The following TTC28 variants were observed in gnomAD, a reference collection of about 807,000 sequenced individuals.
TTC28 encodes tetratricopeptide repeat domain 28.
Under a neutral mutation model 198.0 loss-of-function variants are expected in TTC28, and 61 were observed. That is an observed-to-expected ratio of 0.31 (90% CI 0.25 to 0.38). The LOEUF is 0.38. Ranked by LOEUF, TTC28 falls within the 10% of genes least tolerant of loss-of-function variation. The pLI, the probability that TTC28 is intolerant of heterozygous loss-of-function variation, is 1.00. For missense variants in TTC28, 2,678 were observed against 3,164.0 expected (o/e 0.85, Z 3.69); for synonymous variants, 1,171 against 1,297.8 (o/e 0.90, Z 2.10).
intron 5 of TTC28, among the ~76,000 whole-genome samples, chr22:28,254,605 G>A (rs922863990): frequency 6.6e-6 from 1 of 151,968 alleles, no homozygotes; most frequent in Non-Finnish European, 1.5e-5. Context: ...GGTAGGGGAA[G>A]AAATGATTCA....
chr22:28,611,214 A>C (rs1053520942), intron 2 of TTC28, among the ~76,000 whole-genome samples: 1 of 152,222 alleles, frequency 6.6e-6, no homozygotes, highest in East Asian at 1.9e-4. Flanking sequence ...AATACAGAGA[A>C]CACCACTAAG....
chr22:28,531,214 A>T (rs986559120), intron 2 of TTC28, among the ~76,000 whole-genome samples: 2 of 152,238 alleles, frequency 1.3e-5, no homozygotes, highest in African/African-American at 4.8e-5. Flanking sequence ...ATGGAGGAAG[A>T]TCTACCAAGC....
At chr22:28,022,070 CA>C (rs1938627800) in intron 13 of TTC28, among the ~76,000 whole-genome samples, 1 of 152,372 alleles carries the variant, frequency 6.6e-6, no homozygotes, top group African/African-American at 2.4e-5. Context: ...GCAGCAACAT[CA>C]GGGGCAAGGC....
At chr22:28,326,230 C>T (rs2045527886) in intron 2 of TTC28, among the ~76,000 whole-genome samples, 3 of 152,136 alleles carry the variant, frequency 2.0e-5, no homozygotes, top group African/African-American at 7.2e-5. Context: ...AGTCAGTCTA[C>T]ATACCATATA....
chr22:28,614,130 A>G lies in TTC28; in HGVS notation c.381+15422T>C, dbSNP rs2050863661. 3.3e-5 allele frequency among the ~76,000 whole-genome samples: 5 copies of G among 152,324 alleles called. No homozygotes were observed. In the South Asian group the frequency reaches 1.0e-3, roughly 32 times the overall value. The stretch of plus-strand genomic sequence containing the variant: ...ACAAAATCAATGTGCAAAAATCACA[A>G]GCATTCCTATACACCAATAACAGAC... On this transcript the variant is annotated intron_variant, in intron 2 of 22. Transcript: ENST00000397906.
In TTC28 at chr22:28,301,731, GT is replaced by G. The variant is rs554362445; in HGVS notation, c.530-3880del. On this transcript the variant is annotated intron_variant, in intron 3 of 22. Transcript: ENST00000397906. ...ATATGTGTCATCATAATAGTCGGTA[GT>G]TTTTTTCTTTCTTTGTAATACATAA... 3.5e-3 allele frequency among the ~76,000 whole-genome samples: 535 copies of G among 152,240 alleles called. 3 individuals carry two copies. The highest frequency in any genetic ancestry group is 0.012 in the African/African-American group (480 of 41,548).
At chr22:28,174,276 T>C (rs891223553) in intron 5 of TTC28, among the ~76,000 whole-genome samples, 1 of 152,230 alleles carries the variant, frequency 6.6e-6, no homozygotes. Context: ...ACAGTATTTA[T>C]AATGACCCTG....
At chr22:28,662,643 C>T (rs1268128432) in intron 1 of TTC28, among the ~76,000 whole-genome samples, 1 of 152,186 alleles carries the variant, frequency 6.6e-6, no homozygotes, top group Non-Finnish European at 1.5e-5. Flanking sequence ...AGTGCTTCCA[C>T]ACAAATACTC....
intron 13 of TTC28, among the ~76,000 whole-genome samples, chr22:28,023,645 T>C (rs539319629): frequency 5.3e-5 from 8 of 152,328 alleles, no homozygotes; most frequent in East Asian, 1.9e-4. Context: ...AGAGCTGGAT[T>C]AGTCAGAGTT....
chr22:28,573,569 T>C (rs184215555), intron 2 of TTC28, among the ~76,000 whole-genome samples: 1 of 152,124 alleles, frequency 6.6e-6, no homozygotes, highest in Non-Finnish European at 1.5e-5. Context: ...TTTTTATGGG[T>C]ACATAGTAGG....
intron 5 of TTC28, among the ~76,000 whole-genome samples, chr22:28,272,750 C>G (rs1278688042): frequency 6.6e-6 from 1 of 152,142 alleles, no homozygotes; most frequent in Non-Finnish European, 1.5e-5. Context: ...CTCACAGAAA[C>G]TTAGCAGAGC....
At chr22:28,360,602 A>G (rs2046143529) in intron 2 of TTC28, among the ~76,000 whole-genome samples, 1 of 152,194 alleles carries the variant, frequency 6.6e-6, no homozygotes, top group Non-Finnish European at 1.5e-5. Context: ...AAACACAGAA[A>G]CATTAATTTT....
At chr22:28,598,702 A>G (rs1034469510) in intron 2 of TTC28, among the ~76,000 whole-genome samples, 4 of 152,152 alleles carry the variant, frequency 2.6e-5, no homozygotes, top group Admixed American at 1.3e-4. Flanking sequence ...GGATATAAAG[A>G]GTTAGTAAAA....
Position 28,094,257 on chromosome 22 carries a change from C to T in TTC28, c.3767-12G>A. 1.3e-6 allele frequency: 2 copies of T among 1,537,712 alleles called. No homozygotes were observed. Among genetic ancestry groups the T allele is most frequent in the East Asian group, 2.5e-5 (1 of 40,792 alleles). Reference sequence around the variant, plus strand: ...AAACTTCACAATTCCTGAAGCAAAACAGGCACAGCCAACATTATACACAAT... The same window carrying T: ...AAACTTCACAATTCCTGAAGCAAAATAGGCACAGCCAACATTATACACAAT... On this transcript the variant is annotated splice_polypyrimidine_tract_variant and intron_variant, in intron 11 of 22. Coordinates refer to ENST00000397906, the MANE Select transcript of TTC28 (RefSeq NM_001145418.2).
chr22:28,218,777 T>G (rs1927610921), intron 5 of TTC28, among the ~76,000 whole-genome samples: 1 of 152,086 alleles, frequency 6.6e-6, no homozygotes, highest in African/African-American at 2.4e-5. Context: ...TTGAGGACAT[T>G]TTTAAGTCAA....
At chr22:28,554,035 A>C (rs1488706107) in intron 2 of TTC28, among the ~76,000 whole-genome samples, 1 of 152,070 alleles carries the variant, frequency 6.6e-6, no homozygotes, top group Non-Finnish European at 1.5e-5. Flanking sequence ...ACTAAGAAAA[A>C]TTCTTCTGCC....
chr22:28,161,263 G>A (rs1921144747), intron 6 of TTC28, among the ~76,000 whole-genome samples: 1 of 152,182 alleles, frequency 6.6e-6, no homozygotes, highest in South Asian at 2.1e-4. Flanking sequence ...CAAGTGCAGT[G>A]GCTCATGCCT....
At chr22:28,313,524 C>T (rs982841829) in intron 2 of TTC28, among the ~76,000 whole-genome samples, 3 of 152,112 alleles carry the variant, frequency 2.0e-5, no homozygotes, top group Admixed American at 6.6e-5. Flanking sequence ...ACAATCAAGA[C>T]GGCTTCATCC....
chr22:28,054,915 T>C (rs937826847), intron 12 of TTC28, among the ~76,000 whole-genome samples: 6 of 152,218 alleles, frequency 3.9e-5, no homozygotes, highest in Non-Finnish European at 8.8e-5. Context: ...ATGTTATCCA[T>C]AGTTTCACAG....
Sources: gnomAD v4.1 joint callset for allele counts (sites outside exome capture counted in the v4.1 genomes callset) on GRCh38, gnomAD v4.1.1 for gene constraint, MANE v1.5 for transcripts, NCBI Gene and HGNC (gene_info 2026-07-23, HGNC 2026-07-21) for gene names.